The following LPIN2 variants were observed in gnomAD, a reference collection of about 807,000 sequenced individuals.
LPIN2 encodes lipin 2.
Under a neutral mutation model 111.4 loss-of-function variants are expected in LPIN2, and 55 were observed. The ratio of observed to expected loss-of-function variants is 0.49; its 90% CI spans 0.40 to 0.62. LPIN2 has a LOEUF of 0.62. Ranked by LOEUF, LPIN2 falls within the 20% of genes least tolerant of loss-of-function variation. The probability of loss-of-function intolerance (pLI) is 0.00; values close to 1 mark genes in which losing one functional copy is unlikely to be tolerated. For missense variants in LPIN2, 992 were observed against 1,112.1 expected (o/e 0.89, Z 1.54); for synonymous variants, 425 against 414.0 (o/e 1.03, Z -0.32).
chr18:2,960,936 T>A, intron 1 of LPIN2, 87 bp from the exon 2 acceptor site: 1 of 1,035,218 alleles, frequency 9.7e-7, no homozygotes, highest in Non-Finnish European at 1.5e-6. Context: ...AAAATGACAC[T>A]ACTCACTTGT....
rs759667494 is a variant in LPIN2, at chr18:2,938,022, G to T, written c.838C>A (p.Arg280=). 36 of 1,613,450 alleles carry T rather than the reference G, an allele frequency of 2.2e-5. No homozygotes were observed. Among genetic ancestry groups the T allele is most frequent in the Non-Finnish European group, 2.3e-5 (27 of 1,179,748 alleles). Residue 280 remains arginine, a synonymous_variant, in exon 7 of 20, where the codon CGA becomes AGA. Coordinates refer to ENST00000677752, the MANE Select transcript of LPIN2 (RefSeq NM_001375808.2). ...PESTKVSKRE[R]SDHHPRTATI... is the part of the protein sequence containing the mutation. ...GCTGTCCTAGGATGATGGTCAGATC[G>T]TTCTCTTTTGCTGACCTAAAAAAGT...
intron 1 of LPIN2, among the ~76,000 whole-genome samples, chr18:2,984,700 A>C (rs1207250607): frequency 1.3e-5 from 2 of 152,164 alleles, no homozygotes; most frequent in African/African-American, 4.8e-5. Context: ...AAGAAAGACA[A>C]AAACCATATC....
intron 1 of LPIN2, among the ~76,000 whole-genome samples, chr18:2,981,482 C>T (rs1364514445): frequency 1.3e-5 from 2 of 152,240 alleles, no homozygotes; most frequent in Admixed American, 1.3e-4. Flanking sequence ...CCAGCAGACA[C>T]AAGTCTTAAG....
chr18:2,952,617 T>TA (rs1249897932), intron 3 of LPIN2, among the ~76,000 whole-genome samples: 1 of 152,162 alleles, frequency 6.6e-6, no homozygotes, highest in Non-Finnish European at 1.5e-5. Flanking sequence ...AACACACACT[T>TA]ACAGAGAAAT....
chr18:2,928,200 T>C (rs1343799934), intron 11 of LPIN2, among the ~76,000 whole-genome samples: 1 of 152,242 alleles, frequency 6.6e-6, no homozygotes, highest in East Asian at 1.9e-4. Flanking sequence ...TTAGCCACCA[T>C]CTGCCCTAAC....
chr18:2,941,417 A>AT (rs2077365496), intron 4 of LPIN2, among the ~76,000 whole-genome samples: 3 of 152,220 alleles, frequency 2.0e-5, no homozygotes, highest in Admixed American at 2.0e-4. Context: ...ACTACTGCTG[A>AT]TAAGATTTTA....
At position 2,919,020 on chromosome 18, in the gene LPIN2, T is replaced by C. The variant is rs916731063; in HGVS notation, c.*1273A>G. 2.0e-5 allele frequency: 3 copies of C among 152,222 alleles called. No homozygotes were observed. Among genetic ancestry groups the C allele is most frequent in the African/African-American group, 7.2e-5 (3 of 41,436 alleles). The allele number at this position is 152,222 out of a possible 1,614,324, so 9.4% of individuals were successfully genotyped here. A position where few individuals can be genotyped will look rare whatever the true frequency, so the allele number is the denominator to read the frequency against. On this transcript the variant is annotated 3_prime_UTR_variant, in exon 20 of 20. Coordinates refer to ENST00000677752, the MANE Select transcript of LPIN2 (RefSeq NM_001375808.2). ...TCTCTTGATGTTAAGAGTGCAGCTC[T>C]GTCAACACTCAGCATACCAAAAGCT...
intron 3 of LPIN2, among the ~76,000 whole-genome samples, chr18:2,953,927 T>A (rs2077574582): frequency 6.6e-6 from 1 of 152,228 alleles, no homozygotes; most frequent in Non-Finnish European, 1.5e-5. Context: ...ACAGAATGTG[T>A]GTGCTGGGGA....
In LPIN2 at chr18:2,937,676, T is replaced by A; in HGVS notation, c.1168+16A>T. The A allele has an allele frequency of 6.2e-7, 1 of 1,610,094 alleles. No individual in the cohort carries two copies. The highest frequency in any genetic ancestry group is 8.5e-7 in the Non-Finnish European group (1 of 1,177,102). ...TAATTTGAGAGTACCTGGAGCCAAA[T>A]TAAACAAACGATTACCTTTCTTCTT... On this transcript the variant is annotated intron_variant, in intron 7 of 19. Coordinates refer to ENST00000677752, the MANE Select transcript of LPIN2 (RefSeq NM_001375808.2).
intron 14 of LPIN2, 86 bp from the exon 15 acceptor site, chr18:2,924,632 G>A (rs1338269427): frequency 2.3e-5 from 32 of 1,405,014 alleles, no homozygotes; most frequent in East Asian, 7.0e-5. Context: ...CTGGTGTCTC[G>A]GAATCCCAAC....
At chr18:2,960,945 G>A in intron 1 of LPIN2, 96 bp from the exon 2 acceptor site, 2 of 958,830 alleles carry the variant, frequency 2.1e-6, no homozygotes, top group Non-Finnish European at 3.3e-6. Context: ...CTACTCACTT[G>A]TATGCCAGAT....
intron 4 of LPIN2, chr18:2,945,750 T>C: frequency 8.5e-7 from 1 of 1,173,856 alleles, no homozygotes; most frequent in Non-Finnish European, 1.3e-6. Context: ...AATATGCGCA[T>C]CTAACAATGT....
intron 1 of LPIN2, among the ~76,000 whole-genome samples, chr18:3,001,645 T>C (rs1385646254): frequency 6.6e-6 from 1 of 152,114 alleles, no homozygotes; most frequent in Admixed American, 6.5e-5. Flanking sequence ...AGTGTATGCA[T>C]ACAAGCATGG....
chr18:2,942,164 T>G (rs949177798), intron 4 of LPIN2, among the ~76,000 whole-genome samples: 6 of 152,206 alleles, frequency 3.9e-5, no homozygotes, highest in Non-Finnish European at 7.3e-5. Context: ...CATGTAATAG[T>G]TTTTCCACAT....
At position 2,986,931 on chromosome 18, in the gene LPIN2, T is replaced by G. The variant is rs72871464; in HGVS notation, c.-9-26082A>C. Among the ~76,000 whole-genome samples, 546 of 152,214 alleles carry G rather than the reference T, an allele frequency of 3.6e-3. 1 individual carries two copies. The highest frequency in any genetic ancestry group is 8.6e-3 in the Admixed American group (132 of 15,294). On this transcript the variant is annotated intron_variant, in intron 1 of 19. Transcript: ENST00000677752. ...AGAAATGGAAAACCCTCTGTTCTGC[T>G]CAGGCAGGACTCCTGAGGCCTCAGT...
At chr18:2,998,725 G>GA (rs1208257233) in intron 1 of LPIN2, among the ~76,000 whole-genome samples, 1 of 151,918 alleles carries the variant, frequency 6.6e-6, no homozygotes, top group Non-Finnish European at 1.5e-5. Context: ...GCTCATATCT[G>GA]AAAAAAGAAA....
chr18:2,927,319 C>T (rs898067765), intron 12 of LPIN2, among the ~76,000 whole-genome samples: 4 of 152,188 alleles, frequency 2.6e-5, no homozygotes, highest in African/African-American at 9.7e-5. Flanking sequence ...CTATGGAGAC[C>T]TGGTGGAACA....
At chr18:2,922,298 T>G (rs78235131) in intron 16 of LPIN2, 99 bp from the exon 17 acceptor site, 1 of 1,363,650 alleles carries the variant, frequency 7.3e-7, no homozygotes. Flanking sequence ...CTTTTTTTTT[T>G]GAGTCTCACT....
rs139768435 is a variant in LPIN2, at chr18:2,928,595, G to C, written c.1616C>G (p.Pro539Arg). ...GCAGATGGTGGATCGCCTCACCTTA[G>C]GCAAGCTCTTCTGGAATACTTGCAA... ...LSLQVFQKSLPKATVESWVKD... is the reference protein window; with the variant it reads ...LSLQVFQKSLRKATVESWVKD... The change falls in exon 11 of 20, where the codon CCT becomes CGT. Residue 539 changes from proline to arginine, a missense_variant. By Grantham distance (103) the Pro-to-Arg change is moderately radical. Around this residue, in one of 4 missense-constraint regions of LPIN2, gnomAD observed 709 missense variants for 753.2 expected, o/e 0.94. Coordinates refer to ENST00000677752, the MANE Select transcript of LPIN2 (RefSeq NM_001375808.2). The C allele has an allele frequency of 4.3e-6, 7 of 1,614,036 alleles. No homozygotes were observed. The highest frequency in any genetic ancestry group is 2.7e-5 in the African/African-American group (2 of 74,916).
Sources: allele counts gnomAD v4.1 joint callset (sites outside exome capture counted in the v4.1 genomes callset), GRCh38; gene constraint gnomAD v4.1.1; regional missense constraint gnomAD v4.1.1; transcripts MANE v1.5; gene names NCBI Gene and HGNC (gene_info 2026-07-23, HGNC 2026-07-21).